ABCG8: variants seen among roughly 807,000 people sequenced by gnomAD.
ABCG8 encodes ATP binding cassette subfamily G member 8.
Under a neutral mutation model 71.3 loss-of-function variants are expected in ABCG8, and 81 were observed. That is an observed-to-expected ratio of 1.14 (90% CI 0.95 to 1.37). The LOEUF is 1.37. ABCG8 is among the 40% of genes most tolerant of loss of function. The pLI, the probability that ABCG8 is intolerant of heterozygous loss-of-function variation, is 0.00. For missense variants in ABCG8, 1,119 were observed against 866.2 expected (o/e 1.29, Z -3.66); for synonymous variants, 451 against 354.7 (o/e 1.27, Z -3.05).
At chr2:43,848,408 G>A (rs951295953) in intron 3 of ABCG8, 1 of 152,172 alleles carries the variant, frequency 6.6e-6, no homozygotes, top group East Asian at 1.9e-4. Flanking sequence ...GCCTGTGATT[G>A]GCTGATGCTT....
At chr2:43,863,207 C>T (rs540470509) in intron 6 of ABCG8, among the ~76,000 whole-genome samples, 1 of 151,444 alleles carries the variant, frequency 6.6e-6, no homozygotes, top group South Asian at 2.1e-4. Flanking sequence ...GGATATAATT[C>T]TCACTCTCTG....
At chr2:43,853,731 G>C (rs1403557793) in intron 6 of ABCG8, among the ~76,000 whole-genome samples, 1 of 152,204 alleles carries the variant, frequency 6.6e-6, no homozygotes, top group Non-Finnish European at 1.5e-5. Context: ...CATCTTTACA[G>C]ATGAGAAGCC....
rs200818073 is a variant in ABCG8, at chr2:43,873,832, C to A, written c.1257C>A (p.Ile419=). ...NDFRDLPTLL[I]HGAEACLMSM... is the part of the protein sequence containing the mutation. ...TCCGAGACCTGCCCACCCTCCTCAT[C>A]CATGGGGCGGAGGCCTGTCTGATGT... The change falls in exon 9 of 13, where the codon ATC becomes ATA. Residue 419 remains isoleucine, a synonymous_variant. Transcript: ENST00000272286. The A allele has an allele frequency of 4.2e-5, 68 of 1,614,162 alleles. 1 individual carries two copies. In the East Asian group the frequency reaches 1.5e-3, roughly 35 times the overall value.
Position 43,882,896 on chromosome 2 carries a change from C to T in ABCG8, c.*4983C>T, listed in dbSNP as rs1670170020. ...GTGCTCACATCATTTGTATGATTGT[C>T]TCGTCTCTTTAAAATTGGAAATATT... On this transcript the variant is annotated 3_prime_UTR_variant, in exon 13 of 13. Coordinates refer to ENST00000272286, the MANE Select transcript of ABCG8 (RefSeq NM_022437.3). 6.6e-6 allele frequency: 1 copy of T among 152,326 alleles called. No individual in the cohort carries two copies. Among genetic ancestry groups the T allele is most frequent in the Non-Finnish European group, 1.5e-5 (1 of 68,038 alleles). The allele number at this position is 152,326 out of a possible 1,614,324, so 9.4% of individuals were successfully genotyped here.
rs1219708640 is a variant in ABCG8, at chr2:43,874,549, CGT to C, written c.1488+67_1488+68del. On this transcript the variant is annotated intron_variant, in intron 10 of 12. Coordinates refer to ENST00000272286, the MANE Select transcript of ABCG8 (RefSeq NM_022437.3). ...AGGGTGGGGGTAAGTGTGGAGAAAA[CGT>C]TGCTACAAGGAAGGCTTTTCTGAAC... The C allele has an allele frequency of 2.9e-6, 4 of 1,367,200 alleles. No homozygotes were observed. In the African/African-American group the frequency reaches 5.7e-5, roughly 20 times the overall value. 84.7% of individuals were successfully genotyped at this position (1,367,200 alleles called of 1,614,324 possible).
chr2:43,882,688 C>A lies in ABCG8; in HGVS notation c.*4775C>A, dbSNP rs1670166206. The A allele has an allele frequency of 1.3e-5, 2 of 152,218 alleles. No individual in the cohort carries two copies. Among genetic ancestry groups the A allele is most frequent in the African/African-American group, 4.8e-5 (2 of 41,450 alleles). The allele number at this position is 152,218 out of a possible 1,614,324, so 9.4% of individuals were successfully genotyped here. A position where few individuals can be genotyped will look rare whatever the true frequency, so the allele number is the denominator to read the frequency against. ...CCCTGTCTTTATCACATGAGCTCTG[C>A]CTGAGGCAGCTTCAGCAGGTAGGCA... On this transcript the variant is annotated 3_prime_UTR_variant, in exon 13 of 13. Coordinates refer to ENST00000272286, the MANE Select transcript of ABCG8 (RefSeq NM_022437.3).
rs1429159369 is a variant in ABCG8, at chr2:43,875,337, C to A, written c.1680C>A (p.Ser560=). ...TGCTCCCCACCTTCCACATGGCCTC[C>A]TTCTTCAGCAATGCCCTCTACAACT... ...AALLPTFHMA[S]FFSNALYNSF... Residue 560 remains serine (S), a synonymous_variant, in exon 11 of 13, where the codon TCC becomes TCA. Transcript: ENST00000272286. 8.1e-6 allele frequency: 13 copies of A among 1,614,062 alleles called. No homozygotes were observed. The highest frequency in any genetic ancestry group is 1.1e-5 in the Non-Finnish European group (13 of 1,180,042).
In ABCG8 at chr2:43,872,313, A is replaced by T. The variant is rs568899040; in HGVS notation, c.1211+7A>T. The T allele has an allele frequency of 8.8e-5, 142 of 1,613,076 alleles. 2 individuals carry two copies. In the South Asian group the frequency reaches 1.3e-3, roughly 15 times the overall value. On this transcript the variant is annotated splice_region_variant and intron_variant, in intron 8 of 12. Transcript: ENST00000272286. ...AGTTTACGACGCTGATCCGGTAATT[A>T]TCTGTCATTTTATTACTGAACCCGC... is the stretch of plus-strand genomic sequence containing the variant.
At chr2:43,852,897 C>A (rs767344649) in intron 6 of ABCG8, 29 bp downstream of exon 6, 1 of 1,611,232 alleles carries the variant, frequency 6.2e-7, no homozygotes, top group Non-Finnish European at 8.5e-7. Flanking sequence ...CAGCCAGGGC[C>A]CTGGCACACA....
At chr2:43,873,678 C>T in intron 8 of ABCG8, 109 bp from the exon 9 acceptor site, 1 of 1,095,198 alleles carries the variant, frequency 9.1e-7, no homozygotes, top group Non-Finnish European at 1.4e-6. Flanking sequence ...GTATTACCAT[C>T]CCCATTTTGC....
chr2:43,862,329 A>C (rs1572849084), intron 6 of ABCG8, among the ~76,000 whole-genome samples: 1 of 151,284 alleles, frequency 6.6e-6, no homozygotes, highest in African/African-American at 2.4e-5. Context: ...TCTGGATAGA[A>C]TTCTCACAAT....
At chr2:43,843,632 T>C (rs1668648857) in intron 1 of ABCG8, among the ~76,000 whole-genome samples, 1 of 151,942 alleles carries the variant, frequency 6.6e-6, no homozygotes. Context: ...CCATCCTGGG[T>C]GATAGAGCGA....
At position 43,844,509 on chromosome 2, in the gene ABCG8, CCTCCAGGATAGATTGTT is replaced by C. The variant is rs1558796289; in HGVS notation, c.71_87del (p.Gln24LeufsTer2). 1 of 1,612,854 alleles carries C rather than the reference CCTCCAGGATAGATTGTT, an allele frequency of 6.2e-7. No homozygotes were observed. The highest frequency in any genetic ancestry group is 8.5e-7 in the Non-Finnish European group (1 of 1,178,976). ...CTCATCTCTCCTGTCTCCCACAGGG[CCTCCAGGATAGATTGTT>C]CTCCTCTGAAAGTGACAACAGCCTG... On this transcript the variant is annotated frameshift_variant, in exon 2 of 13. Coordinates refer to ENST00000272286, the MANE Select transcript of ABCG8 (RefSeq NM_022437.3). LOFTEE classifies it high-confidence loss of function.
chr2:43,850,537 A>C lies in ABCG8; in HGVS notation c.323-1047A>C, dbSNP rs536625719. Among the ~76,000 whole-genome samples, 15 of 152,338 alleles carry C rather than the reference A, an allele frequency of 9.8e-5. No homozygotes were observed. In the South Asian group the frequency reaches 3.1e-3, roughly 32 times the overall value. ...CTAGTGTCACGGGGTTTTGTTGTAC[A>C]GATTATTTAATCACCCAGGTAGTAA... On this transcript the variant is annotated intron_variant, in intron 3 of 12. Coordinates refer to ENST00000272286, the MANE Select transcript of ABCG8 (RefSeq NM_022437.3).
chr2:43,839,425 TTTTTTTTTTTTTTTTTTTTGA>T (rs1668488492), intron 1 of ABCG8, among the ~76,000 whole-genome samples: 1 of 81,320 alleles, frequency 1.2e-5, no homozygotes, highest in African/African-American at 5.5e-5. Flanking sequence ...TTTTTTTTTT[TTTTTTTTTTTTTTTTTTTTGA>T]GACGGAGTCT....
chr2:43,850,921 A>G lies in ABCG8; in HGVS notation c.323-663A>G, dbSNP rs552256258. ...TGGGACTCTGTCTCAAAAAAAAAAA[A>G]AAAAAGAAAAAGTAAAAGTACCACT... On this transcript the variant is annotated intron_variant, in intron 3 of 12. Coordinates refer to ENST00000272286, the MANE Select transcript of ABCG8 (RefSeq NM_022437.3). Among the ~76,000 whole-genome samples, 11 of 152,150 alleles carry G rather than the reference A, an allele frequency of 7.2e-5. No homozygotes were observed. In the East Asian group the frequency reaches 9.7e-4, roughly 13 times the overall value.
chr2:43,840,818 G>A lies in ABCG8; in HGVS notation c.63+1702G>A, dbSNP rs189240889. Among the ~76,000 whole-genome samples the A allele has an allele frequency of 3.0e-4, 45 of 152,186 alleles. No homozygotes were observed. The East Asian group carries it at 7.9e-3, about 27-fold the overall frequency. On this transcript the variant is annotated intron_variant, in intron 1 of 12. Coordinates refer to ENST00000272286, the MANE Select transcript of ABCG8 (RefSeq NM_022437.3). ...CACTCCATGGGGCCCTCAACACCCT[G>A]GATGGTCACCCTCCTGCCTACCTGC...
chr2:43,862,330 TTCTCACAATCTGGATAGAAG>T (rs1669353549), intron 6 of ABCG8, among the ~76,000 whole-genome samples: 2 of 151,224 alleles, frequency 1.3e-5, no homozygotes, highest in South Asian at 2.1e-4. Flanking sequence ...CTGGATAGAA[TTCTCACAATCTGGATAGAAG>T]TCTTACTGTG....
At chr2:43,865,887 C>T (rs116035675) in intron 6 of ABCG8, among the ~76,000 whole-genome samples, 4,658 of 151,408 alleles carry the variant, frequency 0.031, 121 homozygotes, top group Admixed American at 0.077. Context: ...CTATCTGTCT[C>T]GATAGAATGC....
Sources: gnomAD v4.1 joint callset for allele counts (sites outside exome capture counted in the v4.1 genomes callset) on GRCh38, gnomAD v4.1.1 for gene constraint, MANE v1.5 for transcripts, NCBI Gene and HGNC (gene_info 2026-07-23, HGNC 2026-07-21) for gene names.